Variants in CHRNA3 observed in about 807,000 individuals in gnomAD.
The protein encoded by CHRNA3 is neuronal acetylcholine receptor subunit alpha-3.
In CHRNA3, 34 loss-of-function variants were observed where a neutral mutation model predicts 41.9. That is an observed-to-expected ratio of 0.81 (90% CI 0.62 to 1.08). The LOEUF (loss-of-function observed/expected upper bound fraction) is 1.08, where lower values mean the gene tolerates loss of function less well. Ranked by LOEUF, CHRNA3 falls within the 50% of genes least tolerant of loss-of-function variation. The probability of loss-of-function intolerance (pLI) is 0.00; values close to 1 mark genes in which losing one functional copy is unlikely to be tolerated. For synonymous variants in CHRNA3, 281 were observed against 265.2 expected, an observed-to-expected ratio of 1.06 and a Z score of -0.58; for missense variants, 542 against 638.3, an observed-to-expected ratio of 0.85 and a Z score of 1.63.
intron 4 of CHRNA3, among the ~76,000 whole-genome samples, chr15:78,610,753 C>T (rs1460085731): frequency 6.6e-6 from 1 of 151,458 alleles, no homozygotes. Flanking sequence ...AATAGAGACA[C>T]AAAAAACCCT....
intron 5 of CHRNA3, among the ~76,000 whole-genome samples, chr15:78,600,334 T>A (rs2053178521): frequency 6.6e-6 from 1 of 152,080 alleles, no homozygotes; most frequent in Non-Finnish European, 1.5e-5. Context: ...CTCAGCCTCC[T>A]AAAGTGCTAG....
chr15:78,619,078 G>A (rs2053510714), intron 1 of CHRNA3, 163 bp from the exon 2 acceptor site: 1 of 767,280 alleles, frequency 1.3e-6, no homozygotes, highest in African/African-American at 1.8e-5. Context: ...TTACAAAATG[G>A]GAAACTGAGG....
chr15:78,608,061 A>G (rs540916621), intron 4 of CHRNA3, among the ~76,000 whole-genome samples: 1 of 152,338 alleles, frequency 6.6e-6, no homozygotes, highest in Admixed American at 6.5e-5. Flanking sequence ...AGGTAAACAA[A>G]GCAGCCGGGA....
At chr15:78,593,279 A>AT, downstream of CHRNA3, 1 of 1,576,932 alleles carries the variant, frequency 6.3e-7, no homozygotes, top group Non-Finnish European at 8.6e-7. Flanking sequence ...TGAAGTATAC[A>AT]TTTAGTTAAC....
At chr15:78,609,140 T>C (rs1160089003) in intron 4 of CHRNA3, among the ~76,000 whole-genome samples, 5 of 152,156 alleles carry the variant, frequency 3.3e-5, no homozygotes, top group Non-Finnish European at 7.3e-5. Context: ...TGGAACCAAG[T>C]TGGAAAACAC....
chr15:78,616,177 AC>A (rs1243669551), intron 4 of CHRNA3, among the ~76,000 whole-genome samples: 1 of 150,654 alleles, frequency 6.6e-6, no homozygotes, highest in Non-Finnish European at 1.5e-5. Flanking sequence ...ACATGGCAAA[AC>A]CCCATCTCTA....
intron 4 of CHRNA3, among the ~76,000 whole-genome samples, chr15:78,613,755 G>A (rs528642397): frequency 1.1e-3 from 101 of 94,088 alleles, no homozygotes; most frequent in Non-Finnish European, 3.3e-4. Flanking sequence ...GTAAAGCAGT[G>A]GCAAACAAAC....
In CHRNA3 at chr15:78,602,034, T is replaced by C. The variant is rs746154616; in HGVS notation, c.608A>G (p.Glu203Gly). 6.2e-7 allele frequency: 1 copy of C among 1,613,740 alleles called. No homozygotes were observed. The change falls in exon 5 of 6, where the codon GAG becomes GGG. Residue 203 changes from glutamate (E) to glycine (G), a missense_variant. Glu to Gly is a moderately conservative substitution (Grantham distance 98). Coordinates refer to ENST00000326828, the MANE Select transcript of CHRNA3 (RefSeq NM_000743.5). ...TTTGATGATGGCCCACTCGCCGCTC[T>C]CCCAATAGTCCTTGAGGTTCATGGA... ...GSSMNLKDYW[E>G]SGEWAIIKAP...
rs2053540611 is a variant in CHRNA3 at position 78,620,852 on chromosome 15, A to G, written c.-58T>C. The G allele has an allele frequency of 1.5e-6, 2 of 1,323,926 alleles. No homozygotes were observed. The highest frequency in any genetic ancestry group is 2.1e-5 in the South Asian group (1 of 47,392). The allele number at this position is 1,323,926 out of a possible 1,614,324, so 82.0% of individuals were successfully genotyped here. On this transcript the variant is annotated 5_prime_UTR_variant, in exon 1 of 6. Transcript: ENST00000326828. Reference sequence around the variant, plus strand: ...GGTCGGGAGCGGGCGCGGCGGTCGCAGAGACGGCCTCTCCCCGCGCGGCTC... The same window carrying G: ...GGTCGGGAGCGGGCGCGGCGGTCGCGGAGACGGCCTCTCCCCGCGCGGCTC...
In CHRNA3 at chr15:78,601,439, C is replaced by T. The variant is rs781674102; in HGVS notation, c.1203G>A (p.Met401Ile). 1.2e-6 allele frequency: 2 copies of T among 1,614,156 alleles called. No individual in the cohort carries two copies. Among genetic ancestry groups the T allele is most frequent in the Admixed American group, 1.7e-5 (1 of 60,018 alleles). Residue 401 changes from methionine (M) to isoleucine (I), a missense_variant, in exon 5 of 6, where the codon ATG (methionine) becomes ATA (isoleucine). Coordinates refer to ENST00000326828, the MANE Select transcript of CHRNA3 (RefSeq NM_000743.5). The stretch of plus-strand genomic sequence containing the variant: ...TCCTGCGGTGGTGGCAGTAACCACA[C>T]ATCCCGTCCTGGCAGGGGTAGCCCT... ...CKEGYPCQDG[M>I]CGYCHHRRIK... is the part of the protein sequence containing the mutation.
In CHRNA3 at chr15:78,612,676, A is replaced by G. The variant is rs1219649879; in HGVS notation, c.377+4348T>C. Among the ~76,000 whole-genome samples, 320 of 121,750 alleles carry G rather than the reference A, an allele frequency of 2.6e-3. 8 individuals carry two copies. Among genetic ancestry groups the G allele is most frequent in the Middle Eastern group, 0.015 (4 of 272 alleles). 79.9% of individuals were successfully genotyped at this position (121,750 alleles called of 152,430 possible). ...AGGCATGGGCAAGGACTTCATGTCTAAAACACCAAAAGCAATGGCAACAAA... is the reference window on the plus strand; with the variant it reads ...AGGCATGGGCAAGGACTTCATGTCTGAAACACCAAAAGCAATGGCAACAAA... On this transcript the variant is annotated intron_variant, in intron 4 of 5. Transcript: ENST00000326828.
chr15:78,620,894 C>G lies in CHRNA3; in HGVS notation c.-100G>C, dbSNP rs2053541368. On this transcript the variant is annotated 5_prime_UTR_variant, in exon 1 of 6. Transcript: ENST00000326828. ...GCGCGGCTCCAGCGCAGACCCCAGA[C>G]CTGGAGCCGTGCGGGCGGAGACGCG... 8.0e-7 allele frequency: 1 copy of G among 1,255,580 alleles called. No individual in the cohort carries two copies. Among genetic ancestry groups the G allele is most frequent in the Non-Finnish European group, 1.0e-6 (1 of 1,002,638 alleles). 77.8% of individuals were successfully genotyped at this position (1,255,580 alleles called of 1,614,324 possible).
intron 4 of CHRNA3, 43 bp from the exon 5 acceptor site, chr15:78,602,307 C>T: frequency 6.3e-7 from 1 of 1,583,784 alleles, no homozygotes; most frequent in Non-Finnish European, 8.6e-7. Flanking sequence ...CGGTCATTAA[C>T]ACTTGGTCAT....
At chr15:78,593,164 A>G (rs200357731), downstream of CHRNA3, 1 of 1,613,868 alleles carries the variant, frequency 6.2e-7, no homozygotes, top group Non-Finnish European at 8.5e-7. Context: ...TTTCGTTTCA[A>G]TTGTTGGATC....
At chr15:78,614,160 A>G (rs2053427747) in intron 4 of CHRNA3, among the ~76,000 whole-genome samples, 1 of 152,246 alleles carries the variant, frequency 6.6e-6, no homozygotes, top group African/African-American at 2.4e-5. Context: ...TGCTAAAATC[A>G]TAAATCCTAC....
intron 4 of CHRNA3, among the ~76,000 whole-genome samples, chr15:78,606,962 T>C (rs2053298911): frequency 1.3e-5 from 2 of 152,040 alleles, no homozygotes; most frequent in African/African-American, 4.8e-5. Context: ...GTGTGATGGC[T>C]CACACCTGTA....
At position 78,620,831 on chromosome 15, in the gene CHRNA3, G is replaced by A; in HGVS notation, c.-37C>T. 2.2e-6 allele frequency: 3 copies of A among 1,342,976 alleles called. No homozygotes were observed. Among genetic ancestry groups the A allele is most frequent in the Non-Finnish European group, 1.9e-6 (2 of 1,056,816 alleles). The allele number at this position is 1,342,976 out of a possible 1,614,324, so 83.2% of individuals were successfully genotyped here. ...GGGCTGGCCGCGGACCCGGACGGTC[G>A]GGAGCGGGCGCGGCGGTCGCAGAGA... is the stretch of plus-strand genomic sequence containing the variant. On this transcript the variant is annotated 5_prime_UTR_variant, in exon 1 of 6. Transcript: ENST00000326828.
Position 78,596,541 on chromosome 15 carries a change from A to T in CHRNA3, c.*63T>A. On this transcript the variant is annotated 3_prime_UTR_variant, in exon 6 of 6. Coordinates refer to ENST00000326828, the MANE Select transcript of CHRNA3 (RefSeq NM_000743.5). ...TGATAACAGAAAGTACGTTCTTACT[A>T]GGAAGCAGCCTCCTCCTGCCCTGAC... 7.2e-7 allele frequency: 1 copy of T among 1,384,036 alleles called. No individual in the cohort carries two copies. Among genetic ancestry groups the T allele is most frequent in the Non-Finnish European group, 9.4e-7 (1 of 1,063,526 alleles). The allele number at this position is 1,384,036 out of a possible 1,614,324, so 85.7% of individuals were successfully genotyped here. A position where few individuals can be genotyped will look rare whatever the true frequency, so the allele number is the denominator to read the frequency against.
chr15:78,619,434 C>G (rs949617898), intron 1 of CHRNA3, among the ~76,000 whole-genome samples: 2 of 152,090 alleles, frequency 1.3e-5, no homozygotes, highest in Non-Finnish European at 2.9e-5. Context: ...ACTGCTTCCA[C>G]GATGGAAAGA....
Sources: gnomAD v4.1 joint callset for allele counts (sites outside exome capture counted in the v4.1 genomes callset) on GRCh38, gnomAD v4.1.1 for gene constraint, MANE v1.5 for transcripts, NCBI Gene and HGNC (gene_info 2026-07-23, HGNC 2026-07-21) for gene names.